ATP8A2: variants seen among roughly 807,000 people sequenced by gnomAD.
ATP8A2 encodes phospholipid-transporting ATPase IB.
In ATP8A2, 100 loss-of-function variants were observed where a neutral mutation model predicts 165.6. That is an observed-to-expected ratio of 0.60 (90% CI 0.51 to 0.71). ATP8A2 has a LOEUF of 0.71. Among genes scored for constraint, ATP8A2 ranks in the 30% least tolerant of loss-of-function variants. ATP8A2 has a pLI of 0.00. For synonymous variants in ATP8A2, 543 were observed against 548.8 expected (o/e 0.99, Z 0.15); for missense variants, 1,227 against 1,479.5 (o/e 0.83, Z 2.80).
chr13:25,457,307 G>A (rs560663584), intron 1 of ATP8A2, among the ~76,000 whole-genome samples: 1 of 152,182 alleles, frequency 6.6e-6, no homozygotes, highest in Non-Finnish European at 1.5e-5. Flanking sequence ...TTAGTCAACA[G>A]ATATTTTATT....
In ATP8A2 at chr13:25,579,917, G is replaced by A; in HGVS notation, c.1977G>A (p.Arg659=). ...ASTILKDRAQ[R]LEECYEIIEK... is the part of the protein sequence containing the mutation. ...CCATATTGAAGGACAGAGCTCAACG[G>A]TTGGAAGAGTGTTACGAGATCATTG... Residue 659 remains arginine (R), a synonymous_variant, in exon 22 of 37, where the codon CGG becomes CGA. Coordinates refer to ENST00000381655, the MANE Select transcript of ATP8A2 (RefSeq NM_016529.6). 3 of 1,614,064 alleles carry A rather than the reference G, an allele frequency of 1.9e-6. No individual in the cohort carries two copies. Among genetic ancestry groups the A allele is most frequent in the Non-Finnish European group, 1.7e-6 (2 of 1,179,978 alleles).
chr13:25,975,734 T>C (rs1956021163), intron 35 of ATP8A2, among the ~76,000 whole-genome samples: 1 of 152,222 alleles, frequency 6.6e-6, no homozygotes, highest in South Asian at 2.1e-4. Context: ...CCCCTTCTGC[T>C]CAGAGTCTTT....
At chr13:25,776,619 T>G (rs1304003095) in intron 27 of ATP8A2, among the ~76,000 whole-genome samples, 1 of 152,174 alleles carries the variant, frequency 6.6e-6, no homozygotes, top group African/African-American at 2.4e-5. Context: ...TTAAAGGTGT[T>G]TGTCCCCCTC....
intron 1 of ATP8A2, among the ~76,000 whole-genome samples, chr13:25,445,350 T>C (rs1189586160): frequency 6.6e-6 from 1 of 152,190 alleles, no homozygotes; most frequent in Admixed American, 6.5e-5. Flanking sequence ...AAACCCCTCC[T>C]GTGGTACCTA....
intron 35 of ATP8A2, among the ~76,000 whole-genome samples, chr13:25,992,152 T>C (rs1274024006): frequency 2.6e-5 from 4 of 152,068 alleles, no homozygotes; most frequent in Non-Finnish European, 4.4e-5. Flanking sequence ...CATACCATTT[T>C]ACATTTTCAT....
intron 24 of ATP8A2, among the ~76,000 whole-genome samples, chr13:25,622,057 C>G (rs930872527): frequency 1.3e-5 from 2 of 151,806 alleles, no homozygotes; most frequent in Non-Finnish European, 2.9e-5. Context: ...ACATAAAACA[C>G]TACCTGGGCA....
intron 15 of ATP8A2, among the ~76,000 whole-genome samples, chr13:25,561,011 C>T (rs192509286): frequency 0.012 from 1,810 of 150,756 alleles, 34 homozygotes; most frequent in African/African-American, 0.042. Flanking sequence ...CTCAGCCTCC[C>T]GAGTAGCTGG....
chr13:25,999,723 C>T (rs898760375), intron 35 of ATP8A2, among the ~76,000 whole-genome samples: 1 of 151,982 alleles, frequency 6.6e-6, no homozygotes, highest in Non-Finnish European at 1.5e-5. Flanking sequence ...ACACAGTAGG[C>T]GCAGTACAAA....
intron 27 of ATP8A2, among the ~76,000 whole-genome samples, chr13:25,776,561 C>G (rs548054008): frequency 7.6e-4 from 116 of 152,222 alleles, no homozygotes; most frequent in Non-Finnish European, 1.1e-3. Flanking sequence ...GGTGTAAGAA[C>G]TTTAGTGGTT....
intron 1 of ATP8A2, among the ~76,000 whole-genome samples, chr13:25,433,237 C>T (rs949869388): frequency 1.3e-5 from 2 of 152,054 alleles, no homozygotes; most frequent in East Asian, 1.9e-4. Context: ...GCAGTTGTGT[C>T]CTGAAATTCA....
chr13:25,386,653 C>T (rs113057288), intron 1 of ATP8A2, among the ~76,000 whole-genome samples: 1,982 of 152,158 alleles, frequency 0.013, 41 homozygotes, highest in African/African-American at 0.045. Flanking sequence ...CTGGGGACCT[C>T]TTGTCAGTGG....
intron 33 of ATP8A2, among the ~76,000 whole-genome samples, chr13:25,895,157 T>C (rs566977977): frequency 3.9e-5 from 6 of 152,316 alleles, no homozygotes; most frequent in Admixed American, 3.3e-4. Flanking sequence ...TTCAGTATGA[T>C]ATTGGCTGTG....
chr13:25,869,304 A>G (rs1157375565), intron 33 of ATP8A2, among the ~76,000 whole-genome samples: 4 of 151,702 alleles, frequency 2.6e-5, no homozygotes, highest in African/African-American at 9.8e-5. Context: ...ACAAAGGAGA[A>G]AGTTTTTTAA....
intron 33 of ATP8A2, among the ~76,000 whole-genome samples, chr13:25,912,738 A>T (rs910984767): frequency 6.6e-6 from 1 of 152,272 alleles, no homozygotes; most frequent in Admixed American, 6.5e-5. Context: ...ACTACAGAGT[A>T]GTCTTACTTT....
chr13:25,627,842 T>C (rs948574792), intron 24 of ATP8A2, among the ~76,000 whole-genome samples: 1 of 152,212 alleles, frequency 6.6e-6, no homozygotes, highest in African/African-American at 2.4e-5. Context: ...TGAAACACAT[T>C]CTTCCCTGTT....
At chr13:25,981,829 T>C (rs1051410702) in intron 35 of ATP8A2, among the ~76,000 whole-genome samples, 2 of 152,178 alleles carry the variant, frequency 1.3e-5, no homozygotes, top group African/African-American at 4.8e-5. Flanking sequence ...TAGACATTTT[T>C]GAGAGAGTAA....
intron 35 of ATP8A2, among the ~76,000 whole-genome samples, chr13:25,995,901 G>C (rs930395257): frequency 1.3e-5 from 2 of 152,104 alleles, no homozygotes; most frequent in Non-Finnish European, 2.9e-5. Flanking sequence ...TTGTGAATTA[G>C]TCTATTTCTT....
At chr13:25,659,769 AGCTT>A (rs1455713645) in intron 24 of ATP8A2, among the ~76,000 whole-genome samples, 1 of 152,190 alleles carries the variant, frequency 6.6e-6, no homozygotes, top group Non-Finnish European at 1.5e-5. Flanking sequence ...GCAAGCGTGA[AGCTT>A]TCCCTTGCCA....
chr13:25,867,586 C>G (rs527895684), intron 33 of ATP8A2, among the ~76,000 whole-genome samples: 1 of 152,260 alleles, frequency 6.6e-6, no homozygotes, highest in African/African-American at 2.4e-5. Context: ...TCACCCTTTC[C>G]TAAGGGTGCC....
Sources: allele counts gnomAD v4.1 joint callset (sites outside exome capture counted in the v4.1 genomes callset), GRCh38; gene constraint gnomAD v4.1.1; transcripts MANE v1.5; gene names NCBI Gene and HGNC (gene_info 2026-07-23, HGNC 2026-07-21).